Variants in DMD observed in about 807,000 individuals in gnomAD.
The protein encoded by DMD is dystrophin.
A neutral mutation model predicts 330.1 loss-of-function variants in DMD; 63 were observed. The observed-to-expected ratio is 0.19, with a 90% CI of 0.16 to 0.24. The LOEUF is 0.24. DMD is among the 10% of genes least tolerant of loss of function. The probability of loss-of-function intolerance (pLI) is 1.00; values close to 1 mark genes in which losing one functional copy is unlikely to be tolerated. For missense variants in DMD, 3,344 were observed against 2,684.1 expected (o/e 1.25, Z -5.43); for synonymous variants, 1,223 against 959.8 (o/e 1.27, Z -5.07).
intron 1 of DMD, among the ~76,000 whole-genome samples, chrX:33,203,996 A>C (rs2051423918): frequency 9.0e-6 from 1 of 110,876 alleles, no homozygotes; most frequent in Non-Finnish European, 1.9e-5. Flanking sequence ...CTCATATACA[A>C]ATCTTGAATA....
intron 60 of DMD, chrX:31,435,691 G>A (rs890567876): frequency 1.8e-5 from 2 of 111,773 alleles, no homozygotes; most frequent in Admixed American, 1.9e-4. Context: ...AGGAGGAGTC[G>A]GGAATCTTAC....
intron 30 of DMD, among the ~76,000 whole-genome samples, chrX:32,408,859 T>TTCA (rs2098129631): frequency 9.8e-6 from 1 of 101,878 alleles, no homozygotes; most frequent in African/African-American, 3.6e-5. Flanking sequence ...TTTCTTTTCT[T>TTCA]TCTTTCATCT....
At chrX:32,863,118 C>T (rs915361045) in intron 2 of DMD, among the ~76,000 whole-genome samples, 2 of 111,255 alleles carry the variant, frequency 1.8e-5, no homozygotes, top group African/African-American at 6.6e-5. Flanking sequence ...AGGCTAATTA[C>T]AATCTATCCC....
At chrX:33,036,823 A>G (rs1321764104) in intron 1 of DMD, among the ~76,000 whole-genome samples, 5 of 105,732 alleles carry the variant, frequency 4.7e-5, no homozygotes, top group Non-Finnish European at 7.9e-5. Flanking sequence ...ATATATATAT[A>G]CATACATATA....
At chrX:32,944,803 A>T (rs940806070) in intron 2 of DMD, among the ~76,000 whole-genome samples, 5 of 109,624 alleles carry the variant, frequency 4.6e-5, no homozygotes, top group Non-Finnish European at 9.5e-5. Flanking sequence ...GCTGGGTTTC[A>T]CGATGTTGGT....
At chrX:31,564,384 C>T (rs2075360186) in intron 55 of DMD, among the ~76,000 whole-genome samples, 1 of 111,292 alleles carries the variant, frequency 9.0e-6, no homozygotes, top group Non-Finnish European at 1.9e-5. Flanking sequence ...TGTAAAGATG[C>T]ATATATATAG....
At chrX:32,876,271 G>T (rs186988155) in intron 2 of DMD, among the ~76,000 whole-genome samples, 1 of 111,548 alleles carries the variant, frequency 9.0e-6, no homozygotes, top group African/African-American at 3.3e-5. Flanking sequence ...TATCCCTGTT[G>T]TCTCTAGATA....
intron 47 of DMD, among the ~76,000 whole-genome samples, chrX:31,923,378 G>C (rs761345272): frequency 9.0e-6 from 1 of 111,549 alleles, no homozygotes; most frequent in South Asian, 3.7e-4. Context: ...AGGGTGGGAA[G>C]TGATTATGAT....
chrX:31,764,554 T>G (rs2089864161), intron 51 of DMD, among the ~76,000 whole-genome samples: 1 of 112,193 alleles, frequency 8.9e-6, no homozygotes, highest in African/African-American at 3.2e-5. Flanking sequence ...TCCAAATTAC[T>G]CTCTCCTCTC....
intron 57 of DMD, 149 bp from the exon 58 acceptor site, chrX:31,479,252 TA>T: frequency 1.5e-6 from 1 of 656,387 alleles, no homozygotes; most frequent in Non-Finnish European, 2.3e-6. Flanking sequence ...TGATTTTTTT[TA>T]AAGGCTATAT....
chrX:32,292,448 T>C (rs146100583), intron 42 of DMD, among the ~76,000 whole-genome samples: 11,640 of 107,155 alleles, frequency 0.11, 682 homozygotes, highest in Non-Finnish European at 0.15. Context: ...GCTGGGACTA[T>C]AGGCGCCCAC....
chrX:32,499,906 C>A (rs16990415), intron 19 of DMD, among the ~76,000 whole-genome samples: 11,337 of 110,646 alleles, frequency 0.1, 981 homozygotes, highest in African/African-American at 0.27. Context: ...ACGACAAAAA[C>A]GGAACAAATA....
chrX:33,211,110 A>G (rs1276515796), intron 1 of DMD, among the ~76,000 whole-genome samples, 172 bp downstream of exon 1: 2 of 111,741 alleles, frequency 1.8e-5, no homozygotes, highest in African/African-American at 6.5e-5. Context: ...AGTTTTCCCA[A>G]TGAAAAATAT....
Position 32,765,548 on chromosome X carries a change from C to T in DMD, c.649+43945G>A, listed in dbSNP as rs183432610. ...ATAATTTACCCAGTTTCAGATATTT[C>T]TTTAGAGCAATGCAAGAATGGACTA... On this transcript the variant is annotated intron_variant, in intron 7 of 78. Coordinates refer to ENST00000357033, the MANE Select transcript of DMD (RefSeq NM_004006.3). Among the ~76,000 whole-genome samples the T allele has an allele frequency of 3.5e-3, 386 of 111,520 alleles. 2 individuals are homozygous for T. Among genetic ancestry groups the T allele is most frequent in the African/African-American group, 0.012 (372 of 30,724 alleles).
chrX:31,332,257 G>A (rs1280991478), intron 61 of DMD, among the ~76,000 whole-genome samples: 2 of 112,207 alleles, frequency 1.8e-5, no homozygotes, highest in African/African-American at 6.5e-5. Context: ...ACAGCCTAGA[G>A]GCGAACCCAG....
At chrX:32,875,970 T>C (rs1459535097) in intron 2 of DMD, among the ~76,000 whole-genome samples, 1 of 111,576 alleles carries the variant, frequency 9.0e-6, no homozygotes, top group Non-Finnish European at 1.9e-5. Flanking sequence ...CCCCAAACCA[T>C]TTTCTTTAGT....
chrX:31,727,141 A>G (rs1468539158), intron 52 of DMD, among the ~76,000 whole-genome samples: 1 of 112,470 alleles, frequency 8.9e-6, no homozygotes, highest in Non-Finnish European at 1.9e-5. Context: ...TTAGTAAAAT[A>G]ACAAATGACT....
intron 1 of DMD, among the ~76,000 whole-genome samples, chrX:33,084,046 T>C (rs112928958): frequency 0.011 from 1,280 of 112,148 alleles, 21 homozygotes; most frequent in African/African-American, 0.04. Flanking sequence ...ACAGATACCC[T>C]GTAATAGGGC....
chrX:32,080,110 TTC>T (rs2096381424), intron 44 of DMD, among the ~76,000 whole-genome samples: 1 of 112,525 alleles, frequency 8.9e-6, no homozygotes, highest in Admixed American at 9.4e-5. Flanking sequence ...CTGGCCACTA[TTC>T]TGAGTTTTGA....
Sources: allele counts gnomAD v4.1 joint callset (sites outside exome capture counted in the v4.1 genomes callset), GRCh38; gene constraint gnomAD v4.1.1; transcripts MANE v1.5; gene names NCBI Gene and HGNC (gene_info 2026-07-23, HGNC 2026-07-21).